Variants in GRM5 observed in about 807,000 individuals in gnomAD.
GRM5 encodes the protein metabotropic glutamate receptor 5.
Under a neutral mutation model 83.1 loss-of-function variants are expected in GRM5, and 19 were observed. The ratio of observed to expected loss-of-function variants is 0.23; its 90% CI spans 0.16 to 0.34. The LOEUF (loss-of-function observed/expected upper bound fraction) is 0.34. GRM5 is among the 10% of genes least tolerant of loss of function. The pLI, the probability that GRM5 is intolerant of heterozygous loss-of-function variation, is 1.00. For missense variants in GRM5, 1,160 were observed against 1,588.3 expected (o/e 0.73, Z 4.58); for synonymous variants, 675 against 633.6 (o/e 1.07, Z -0.98).
chr11:88,971,459 T>G (rs1444659843), intron 2 of GRM5, among the ~76,000 whole-genome samples: 14 of 152,064 alleles, frequency 9.2e-5, no homozygotes, highest in Admixed American at 9.2e-4. Context: ...TAGGCCCCAG[T>G]GACTTTTTTC....
intron 2 of GRM5, among the ~76,000 whole-genome samples, chr11:89,009,730 A>C (rs1420667216): frequency 6.7e-6 from 1 of 148,894 alleles, no homozygotes; most frequent in East Asian, 1.9e-4. Flanking sequence ...CCCCGTCTCT[A>C]CTAAAAAAAA....
At chr11:88,867,252 A>C (rs546522878) in intron 2 of GRM5, among the ~76,000 whole-genome samples, 1 of 152,016 alleles carries the variant, frequency 6.6e-6, no homozygotes, top group Non-Finnish European at 1.5e-5. Context: ...AATAAAGTCA[A>C]TGGTAGCTTG....
intron 6 of GRM5, among the ~76,000 whole-genome samples, chr11:88,595,048 TA>T (rs1193314391): frequency 6.6e-6 from 1 of 152,202 alleles, no homozygotes; most frequent in African/African-American, 2.4e-5. Context: ...AGTAATTTTT[TA>T]ATGTCCTCAA....
At chr11:88,798,805 C>CAAAAAAAAAAAAAAAAA (rs4002396) in intron 3 of GRM5, among the ~76,000 whole-genome samples, 8 of 55,364 alleles carry the variant, frequency 1.4e-4, no homozygotes, top group African/African-American at 2.5e-4. Flanking sequence ...ATGAAAACAC[C>CAAAAAAAAAAAAAAAAA]AAAAAAAAAA....
At chr11:88,834,830 G>A (rs1944062626) in intron 3 of GRM5, among the ~76,000 whole-genome samples, 1 of 152,156 alleles carries the variant, frequency 6.6e-6, no homozygotes. Context: ...AGTCACCTCT[G>A]TTCTCCACCA....
intron 4 of GRM5, among the ~76,000 whole-genome samples, chr11:88,628,131 C>A (rs1938853490): frequency 2.0e-5 from 3 of 152,180 alleles, no homozygotes; most frequent in Admixed American, 2.0e-4. Context: ...AACTCAAAGA[C>A]TAGCTATGTC....
In GRM5 at chr11:88,743,610, G is replaced by T. The variant is rs138934778; in HGVS notation, c.912-90207C>A. The stretch of plus-strand genomic sequence containing the variant: ...GGACTCTCACAGGCTGAATGGGCTT[G>T]CAGGATTCAGAGCCAGTGAGAGATA... On this transcript the variant is annotated intron_variant, in intron 3 of 9. Coordinates refer to ENST00000305447, the MANE Select transcript of GRM5 (RefSeq NM_001143831.3). 6.7e-3 allele frequency among the ~76,000 whole-genome samples: 1,020 copies of T among 152,212 alleles called. 9 individuals are homozygous for T. Among genetic ancestry groups the T allele is most frequent in the African/African-American group, 0.024 (983 of 41,538 alleles).
intron 1 of GRM5, among the ~76,000 whole-genome samples, chr11:89,062,015 A>T (rs976386289): frequency 6.6e-6 from 1 of 152,216 alleles, no homozygotes; most frequent in Non-Finnish European, 1.5e-5. Flanking sequence ...AACTTGAAAG[A>T]TCTGTCCAGA....
chr11:88,857,492 T>A (rs1384235624), intron 2 of GRM5, among the ~76,000 whole-genome samples: 1 of 152,022 alleles, frequency 6.6e-6, no homozygotes, highest in East Asian at 1.9e-4. Flanking sequence ...ACTGCCCATA[T>A]TGACAGGGTT....
At chr11:88,869,813 T>C (rs1292193734) in intron 2 of GRM5, among the ~76,000 whole-genome samples, 2 of 151,460 alleles carry the variant, frequency 1.3e-5, no homozygotes, top group African/African-American at 4.8e-5. Context: ...AATGCCTCTA[T>C]AAAAAAGAGG....
At chr11:88,649,589 C>G (rs969003129) in intron 4 of GRM5, among the ~76,000 whole-genome samples, 1 of 148,950 alleles carries the variant, frequency 6.7e-6, no homozygotes, top group African/African-American at 2.5e-5. Context: ...AGAATGATGG[C>G]TAACTTCTCA....
chr11:88,588,737 C>T (rs1332156660), intron 7 of GRM5, among the ~76,000 whole-genome samples: 1 of 152,014 alleles, frequency 6.6e-6, no homozygotes, highest in Non-Finnish European at 1.5e-5. Context: ...TATTCCTGTT[C>T]TTTGACTTCA....
Position 88,530,650 on chromosome 11 carries a change from T to C in GRM5, c.2631-5246A>G, listed in dbSNP as rs557111001. Among the ~76,000 whole-genome samples the C allele has an allele frequency of 3.9e-5, 6 of 152,216 alleles. No homozygotes were observed. The East Asian group carries it at 5.8e-4, about 15-fold the overall frequency. On this transcript the variant is annotated intron_variant, in intron 8 of 9. Transcript: ENST00000305447. Reference sequence around the variant, plus strand: ...CACCTCAATTCCTCTTTCCTACCAATATCTACTGAATATTGGATTACTGAA... The same window carrying C: ...CACCTCAATTCCTCTTTCCTACCAACATCTACTGAATATTGGATTACTGAA...
chr11:88,791,191 A>G (rs1943166275), intron 3 of GRM5, among the ~76,000 whole-genome samples: 1 of 152,162 alleles, frequency 6.6e-6, no homozygotes, highest in Non-Finnish European at 1.5e-5. Context: ...CATTGTTTTC[A>G]AGACTTAAAC....
chr11:88,789,150 T>C (rs1033774047), intron 3 of GRM5, among the ~76,000 whole-genome samples: 1 of 152,164 alleles, frequency 6.6e-6, no homozygotes, highest in Non-Finnish European at 1.5e-5. Context: ...AGCTAGTTCT[T>C]CCCTGGTCTC....
At chr11:88,913,427 A>C (rs1945534279) in intron 2 of GRM5, among the ~76,000 whole-genome samples, 1 of 151,966 alleles carries the variant, frequency 6.6e-6, no homozygotes, top group Admixed American at 6.6e-5. Context: ...AGGGGATGGC[A>C]ATGTAGAAGA....
Position 88,653,319 on chromosome 11 carries a change from G to C in GRM5, c.996C>G (p.Pro332=), listed in dbSNP as rs201602116. 1.1e-5 allele frequency: 17 copies of C among 1,612,556 alleles called. No individual in the cohort carries two copies. The highest frequency in any genetic ancestry group is 1.4e-5 in the Non-Finnish European group (16 of 1,179,142). ...AATAATCATCAAACCACTTGACATC[G>C]GGAGATTGGAGCTTGATTGTGATGC... is the stretch of plus-strand genomic sequence containing the variant. The part of the protein sequence containing the change: ...VGGITIKLQS[P]DVKWFDDYYL... The change falls in exon 4 of 10, where the codon CCC becomes CCG. Residue 332 remains proline (P), a synonymous_variant. Transcript: ENST00000305447.
At chr11:88,697,317 C>A (rs142312472) in intron 3 of GRM5, among the ~76,000 whole-genome samples, 1 of 152,264 alleles carries the variant, frequency 6.6e-6, no homozygotes, top group East Asian at 1.9e-4. Flanking sequence ...GCCATGATGA[C>A]CCTTGTGTTT....
chr11:88,764,031 C>T (rs77467110), intron 3 of GRM5, among the ~76,000 whole-genome samples: 4,406 of 151,456 alleles, frequency 0.029, 219 homozygotes, highest in African/African-American at 0.099. Context: ...AAAAAAGATA[C>T]GCCATGCAAA....
Sources: gnomAD v4.1 joint callset for allele counts (sites outside exome capture counted in the v4.1 genomes callset) on GRCh38, gnomAD v4.1.1 for gene constraint, MANE v1.5 for transcripts, NCBI Gene and HGNC (gene_info 2026-07-23, HGNC 2026-07-21) for gene names.